MYLK3: variants seen among roughly 807,000 people sequenced by gnomAD.
MYLK3 encodes MLC kinase.
In MYLK3, 55 loss-of-function variants were observed where a neutral mutation model predicts 76.3. That is an observed-to-expected ratio of 0.72 (90% CI 0.58 to 0.90). The LOEUF (loss-of-function observed/expected upper bound fraction) is 0.90. MYLK3 is among the 40% of genes least tolerant of loss of function. The probability of loss-of-function intolerance (pLI) is 0.00; values close to 1 mark genes in which losing one functional copy is unlikely to be tolerated. For missense variants in MYLK3, 973 were observed against 1,053.6 expected (o/e 0.92, Z 1.06); for synonymous variants, 416 against 425.4 (o/e 0.98, Z 0.27).
intron 1 of MYLK3, among the ~76,000 whole-genome samples, chr16:46,756,101 G>T (rs1370764669): frequency 6.6e-6 from 1 of 151,812 alleles, no homozygotes; most frequent in Non-Finnish European, 1.5e-5. Flanking sequence ...GTAGAGATGG[G>T]CTTTCACCGT....
intron 1 of MYLK3, among the ~76,000 whole-genome samples, chr16:46,757,801 G>T (rs757990215): frequency 6.6e-6 from 1 of 152,186 alleles, no homozygotes; most frequent in African/African-American, 2.4e-5. Flanking sequence ...AACAAACACC[G>T]TGTGGTCCAA....
intron 1 of MYLK3, among the ~76,000 whole-genome samples, chr16:46,758,300 ACACACTCTCT>A (rs1329179515): frequency 4.0e-3 from 204 of 51,336 alleles, no homozygotes; most frequent in South Asian, 0.012. Flanking sequence ...ACACACACAC[ACACACTCTCT>A]CTCTCTCTCT....
chr16:46,719,650 G>A (rs1447196421), intron 9 of MYLK3, among the ~76,000 whole-genome samples: 2 of 152,188 alleles, frequency 1.3e-5, no homozygotes, highest in South Asian at 2.1e-4. Context: ...TGGGGTGCTG[G>A]GCTGCTCAGT....
chr16:46,721,315 G>T, intron 8 of MYLK3, 122 bp from the exon 9 acceptor site: 1 of 787,590 alleles, frequency 1.3e-6, no homozygotes, highest in Non-Finnish European at 2.2e-6. Context: ...GGGCAGCCCT[G>T]CAAGGGCTGG....
rs1335531821 is a variant in MYLK3 at position 46,738,161 on chromosome 16, G to A, written c.569-18C>T. The A allele has an allele frequency of 6.7e-7, 1 of 1,492,824 alleles. No homozygotes were observed. The allele number at this position is 1,492,824 out of a possible 1,614,324, so 92.5% of individuals were successfully genotyped here. On this transcript the variant is annotated intron_variant, in intron 2 of 12. Coordinates refer to ENST00000394809, the MANE Select transcript of MYLK3 (RefSeq NM_182493.3). ...CTGGCTCTCTACAGGAAAACAGGCA[G>A]GACAAAAATGCACTCCCATGTGGAG...
chr16:46,732,902 C>A (rs1178662612), intron 3 of MYLK3, among the ~76,000 whole-genome samples: 1 of 152,192 alleles, frequency 6.6e-6, no homozygotes, highest in African/African-American at 2.4e-5. Context: ...GACCATACAC[C>A]CCTGAGAACC....
In MYLK3 at chr16:46,712,713, G is replaced by A. The variant is rs754283868; in HGVS notation, c.2049C>T (p.Val683=). ...GGAATGAGACAAACTCATAATTGAC[G>A]ACTTCTGGGGCCAGGAACTCAGGAG... ...FGTPEFLAPE[V]VNYEFVSFPT... The change falls in exon 10 of 13, where the codon GTC becomes GTT. Residue 683 remains valine (V), a synonymous_variant. Coordinates refer to ENST00000394809, the MANE Select transcript of MYLK3 (RefSeq NM_182493.3). The A allele has an allele frequency of 2.3e-5, 36 of 1,597,892 alleles. No individual in the cohort carries two copies. The East Asian group carries it at 5.8e-4, about 26-fold the overall frequency.
intron 6 of MYLK3, 55 bp downstream of exon 6, chr16:46,729,539 A>G: frequency 1.3e-6 from 2 of 1,514,330 alleles, no homozygotes; most frequent in Non-Finnish European, 1.8e-6. Flanking sequence ...GCCCTGAGGG[A>G]AGGAAAGGAA....
intron 3 of MYLK3, among the ~76,000 whole-genome samples, chr16:46,733,358 A>G (rs1276148292): frequency 6.6e-6 from 1 of 152,164 alleles, no homozygotes; most frequent in East Asian, 1.9e-4. Context: ...CCCTGTCTCA[A>G]AAACTAAAAT....
At position 46,748,228 on chromosome 16, in the gene MYLK3, A is replaced by G; in HGVS notation, c.-35T>C. ...GGCTTGACAAGGGCAAGAGCGGGGA[A>G]TGAGGAGAGGCACAGACCCCTGGTT... On this transcript the variant is annotated 5_prime_UTR_variant, in exon 1 of 13. Transcript: ENST00000394809. The surrounding 1 kb of genome is among the most constrained non-coding windows in gnomAD (Gnocchi z 4.3). 6.3e-7 allele frequency: 1 copy of G among 1,587,446 alleles called. No homozygotes were observed.
At chr16:46,721,884 T>TA (rs893738955) in intron 8 of MYLK3, among the ~76,000 whole-genome samples, 3 of 151,826 alleles carry the variant, frequency 2.0e-5, no homozygotes, top group African/African-American at 7.3e-5. Flanking sequence ...CTAAGAGAAT[T>TA]AAAAAAAGAA....
upstream of MYLK3, among the ~76,000 whole-genome samples, chr16:46,751,708 C>T (rs577560092): frequency 1.3e-5 from 2 of 152,288 alleles, no homozygotes; most frequent in East Asian, 3.9e-4. Context: ...CCCTGACAAT[C>T]CGGGAAGGGA....
chr16:46,710,886 C>A (rs764293040), intron 10 of MYLK3, 97 bp from the exon 11 acceptor site: 1 of 1,449,938 alleles, frequency 6.9e-7, no homozygotes, highest in Non-Finnish European at 9.6e-7. Context: ...GTGGACCTAG[C>A]CAGAACCAAG....
intron 9 of MYLK3, among the ~76,000 whole-genome samples, chr16:46,716,358 C>T (rs907384558): frequency 1.3e-5 from 2 of 149,964 alleles, no homozygotes; most frequent in African/African-American, 2.5e-5. Flanking sequence ...ATATATAGCC[C>T]GCATATATAT....
chr16:46,731,883 G>C (rs1966853209), intron 4 of MYLK3, among the ~76,000 whole-genome samples: 1 of 152,064 alleles, frequency 6.6e-6, no homozygotes, highest in Non-Finnish European at 1.5e-5. Flanking sequence ...TTGAACCTGG[G>C]TCAAGCCTGC....
rs1193964602 is a variant in MYLK3 at position 46,707,677 on chromosome 16, G to A, written c.*27C>T. On this transcript the variant is annotated 3_prime_UTR_variant, in exon 13 of 13. Transcript: ENST00000394809. ...TCACCACTGGCCTCAGTAATTTCTG[G>A]ACCCATTGGAGCAGCAGAGTTGAAG... The A allele has an allele frequency of 1.9e-6, 3 of 1,554,960 alleles. No homozygotes were observed.
intron 8 of MYLK3, 66 bp downstream of exon 8, chr16:46,727,170 A>G (rs1966844332): frequency 1.9e-6 from 3 of 1,544,654 alleles, no homozygotes; most frequent in Non-Finnish European, 2.7e-6. Flanking sequence ...AGAGCTCTCA[A>G]TGGTGAGAGC....
At chr16:46,721,056 C>A in intron 9 of MYLK3, 67 bp downstream of exon 9, 1 of 1,396,828 alleles carries the variant, frequency 7.2e-7, no homozygotes, top group Non-Finnish European at 1.0e-6. Flanking sequence ...TCAGGAGTAA[C>A]CATGCCCAGA....
At chr16:46,754,638 C>T (rs1967174262) in intron 1 of MYLK3, among the ~76,000 whole-genome samples, 1 of 152,144 alleles carries the variant, frequency 6.6e-6, no homozygotes, top group South Asian at 2.1e-4. Context: ...TCTCAGCCTC[C>T]ATAACTAAAG....
Sources: allele counts gnomAD v4.1 joint callset (sites outside exome capture counted in the v4.1 genomes callset), GRCh38; gene constraint gnomAD v4.1.1; non-coding constraint Gnocchi (gnomAD v3.1); transcripts MANE v1.5; gene names NCBI Gene and HGNC (gene_info 2026-07-23, HGNC 2026-07-21).